The following CNTN5 variants were observed in gnomAD, a reference collection of about 807,000 sequenced individuals.
The protein encoded by CNTN5 is contactin-5.
A neutral mutation model predicts 129.1 loss-of-function variants in CNTN5; 77 were observed. The ratio of observed to expected loss-of-function variants is 0.60; its 90% confidence interval spans 0.50 to 0.72. The LOEUF is 0.72. Ranked by LOEUF, CNTN5 falls within the 30% of genes least tolerant of loss-of-function variation. The probability of loss-of-function intolerance (pLI) is 0.00; values close to 1 mark genes in which losing one functional copy is unlikely to be tolerated. For missense variants in CNTN5, 1,478 were observed against 1,328.8 expected (o/e 1.11, Z -1.75); for synonymous variants, 509 against 465.6 (o/e 1.09, Z -1.20).
intron 1 of CNTN5, among the ~76,000 whole-genome samples, chr11:99,114,821 G>A (rs369103676): frequency 4.5e-4 from 68 of 152,240 alleles, no homozygotes; most frequent in African/African-American, 1.3e-3. Flanking sequence ...ACAGCTTAGT[G>A]AGTATCAAAC....
At chr11:99,997,340 T>C (rs1939523358) in intron 8 of CNTN5, among the ~76,000 whole-genome samples, 1 of 152,152 alleles carries the variant, frequency 6.6e-6, no homozygotes, top group Non-Finnish European at 1.5e-5. Flanking sequence ...AGGGTGTCAA[T>C]TTTGGATCAA....
intron 13 of CNTN5, among the ~76,000 whole-genome samples, chr11:100,161,356 A>T (rs1947439069): frequency 1.3e-5 from 2 of 151,914 alleles, no homozygotes; most frequent in South Asian, 4.1e-4. Flanking sequence ...TTTCTAGCAG[A>T]CTGACTTGGT....
intron 1 of CNTN5, among the ~76,000 whole-genome samples, chr11:99,145,294 T>A (rs1859724454): frequency 6.6e-6 from 1 of 152,080 alleles, no homozygotes; most frequent in Non-Finnish European, 1.5e-5. Flanking sequence ...GGTCTCGAAC[T>A]CCTGGACTCA....
At chr11:99,835,849 A>G (rs951240763) in intron 4 of CNTN5, among the ~76,000 whole-genome samples, 2 of 152,292 alleles carry the variant, frequency 1.3e-5, no homozygotes, top group East Asian at 3.9e-4. Context: ...TAAGCAATCA[A>G]GTGGTCTGAA....
At chr11:99,438,944 G>C (rs181927462) in intron 2 of CNTN5, among the ~76,000 whole-genome samples, 1 of 152,266 alleles carries the variant, frequency 6.6e-6, no homozygotes, top group African/African-American at 2.4e-5. Context: ...TAGAACTGGT[G>C]ATATGTAGTG....
At chr11:100,072,396 G>A (rs1414919661) in intron 12 of CNTN5, among the ~76,000 whole-genome samples, 1 of 152,154 alleles carries the variant, frequency 6.6e-6, no homozygotes, top group Non-Finnish European at 1.5e-5. Flanking sequence ...TGTAACCCAG[G>A]CACTGCATTT....
intron 2 of CNTN5, among the ~76,000 whole-genome samples, chr11:99,510,294 G>A (rs79465738): frequency 0.016 from 2,449 of 152,124 alleles, 102 homozygotes; most frequent in Admixed American, 0.091. Flanking sequence ...TTTATCTGTT[G>A]TTATAGGTGT....
At chr11:100,003,115 G>T (rs138580940) in intron 9 of CNTN5, among the ~76,000 whole-genome samples, 2 of 152,042 alleles carry the variant, frequency 1.3e-5, no homozygotes, top group Non-Finnish European at 1.5e-5. Context: ...AGTAAACACC[G>T]TGTTTTAATA....
At chr11:99,165,578 C>T (rs1860829648) in intron 1 of CNTN5, among the ~76,000 whole-genome samples, 2 of 152,108 alleles carry the variant, frequency 1.3e-5, no homozygotes. Flanking sequence ...GTACAAATGA[C>T]AAGACCCAAC....
intron 3 of CNTN5, among the ~76,000 whole-genome samples, chr11:99,628,143 T>A (rs1394519070): frequency 6.6e-6 from 1 of 151,952 alleles, no homozygotes; most frequent in African/African-American, 2.4e-5. Context: ...TCAACTTGGT[T>A]CAAATTGCAG....
chr11:100,254,737 C>T (rs2138722808), intron 16 of CNTN5, among the ~76,000 whole-genome samples: 1 of 152,294 alleles, frequency 6.6e-6, no homozygotes, highest in Non-Finnish European at 1.5e-5. Flanking sequence ...GCAACCATTT[C>T]TTAGGGTTTA....
At chr11:99,145,601 C>A (rs1255237717) in intron 1 of CNTN5, among the ~76,000 whole-genome samples, 1 of 152,066 alleles carries the variant, frequency 6.6e-6, no homozygotes, top group African/African-American at 2.4e-5. Flanking sequence ...CTGTGAGTTG[C>A]ATCTAGTTTT....
intron 1 of CNTN5, among the ~76,000 whole-genome samples, chr11:99,171,605 A>G (rs1209091046): frequency 6.6e-6 from 1 of 152,202 alleles, no homozygotes; most frequent in Admixed American, 6.5e-5. Context: ...GAAACAAGAC[A>G]ATCAAGTCAC....
At chr11:99,410,477 G>A (rs570927790) in intron 2 of CNTN5, among the ~76,000 whole-genome samples, 2 of 152,224 alleles carry the variant, frequency 1.3e-5, no homozygotes, top group African/African-American at 4.8e-5. Context: ...CTAGATGCCT[G>A]ATGTGAGTCC....
At chr11:99,278,537 A>T (rs1392717113) in intron 1 of CNTN5, among the ~76,000 whole-genome samples, 1 of 151,730 alleles carries the variant, frequency 6.6e-6, no homozygotes, top group Non-Finnish European at 1.5e-5. Flanking sequence ...GATTATGATG[A>T]TGATAGTGAT....
At chr11:99,583,622 G>A (rs1309578675) in intron 3 of CNTN5, among the ~76,000 whole-genome samples, 1 of 152,224 alleles carries the variant, frequency 6.6e-6, no homozygotes, top group Non-Finnish European at 1.5e-5. Flanking sequence ...GACTCTCTGA[G>A]CCATGCGCGG....
chr11:99,514,528 A>G (rs1215591353), intron 2 of CNTN5, among the ~76,000 whole-genome samples: 1 of 152,078 alleles, frequency 6.6e-6, no homozygotes, highest in Non-Finnish European at 1.5e-5. Context: ...AAATTGCCAC[A>G]GCCATCTCAA....
intron 2 of CNTN5, among the ~76,000 whole-genome samples, chr11:99,400,200 A>T (rs1941729491): frequency 6.6e-6 from 1 of 151,922 alleles, no homozygotes; most frequent in African/African-American, 2.4e-5. Flanking sequence ...CTGCTTACCA[A>T]TCTTCTACTC....
At chr11:99,836,915 A>G (rs777408441) in intron 4 of CNTN5, among the ~76,000 whole-genome samples, 1 of 152,174 alleles carries the variant, frequency 6.6e-6, no homozygotes, top group South Asian at 2.1e-4. Context: ...TGACTTTGCC[A>G]TGGAATTTGT....
Sources: allele counts gnomAD v4.1 joint callset (sites outside exome capture counted in the v4.1 genomes callset), GRCh38; gene constraint gnomAD v4.1.1; transcripts MANE v1.5; gene names NCBI Gene and HGNC (gene_info 2026-07-23, HGNC 2026-07-21).